Variants in LRP1B observed in about 807,000 individuals in gnomAD.
LRP1B encodes the protein LDL receptor related protein 1B.
A neutral mutation model predicts 556.6 loss-of-function variants in LRP1B; 217 were observed. The ratio of observed to expected loss-of-function variants is 0.39; its 90% CI spans 0.35 to 0.44. LRP1B has a LOEUF of 0.44. Among genes scored for constraint, LRP1B ranks in the 20% least tolerant of loss-of-function variants. The pLI is 1.00. For synonymous variants in LRP1B, 2,047 were observed against 1,865.8 expected, an observed-to-expected ratio of 1.10 and a Z score of -2.50; for missense variants, 5,053 against 5,620.8, an observed-to-expected ratio of 0.90 and a Z score of 3.23.
chr2:141,366,736 A>G (rs1488212095), intron 3 of LRP1B, among the ~76,000 whole-genome samples: 2 of 152,152 alleles, frequency 1.3e-5, no homozygotes, highest in African/African-American at 4.8e-5. Flanking sequence ...TTTTTTCTCA[A>G]ATGTCTTATT....
At chr2:141,489,954 T>C (rs1683268669) in intron 2 of LRP1B, among the ~76,000 whole-genome samples, 1 of 152,108 alleles carries the variant, frequency 6.6e-6, no homozygotes, top group African/African-American at 2.4e-5. Flanking sequence ...GTTCCAGTAA[T>C]GGTTTTTGTG....
chr2:141,763,091 T>C (rs1354644170), intron 2 of LRP1B, among the ~76,000 whole-genome samples: 2 of 152,176 alleles, frequency 1.3e-5, no homozygotes, highest in Non-Finnish European at 2.9e-5. Flanking sequence ...TTGTTGTGTA[T>C]AAGAGAAGAA....
chr2:140,782,505 C>T (rs1390687747), intron 32 of LRP1B, among the ~76,000 whole-genome samples: 1 of 152,082 alleles, frequency 6.6e-6, no homozygotes, highest in Non-Finnish European at 1.5e-5. Flanking sequence ...CCTGCCCTGC[C>T]AACACCTTGA....
chr2:140,870,746 A>T (rs1693103508), intron 25 of LRP1B, among the ~76,000 whole-genome samples: 3 of 152,236 alleles, frequency 2.0e-5, no homozygotes, highest in South Asian at 4.1e-4. Context: ...TTTGACTTCT[A>T]TTATTCTGTA....
chr2:141,074,674 T>C (rs1344530048), intron 7 of LRP1B, among the ~76,000 whole-genome samples: 11 of 149,598 alleles, frequency 7.4e-5, no homozygotes, highest in Non-Finnish European at 3.0e-5. Context: ...TTTGACAGGC[T>C]CTTTATAAAT....
At chr2:140,829,799 A>AT (rs1342242828) in intron 31 of LRP1B, among the ~76,000 whole-genome samples, 1 of 152,032 alleles carries the variant, frequency 6.6e-6, no homozygotes, top group Non-Finnish European at 1.5e-5. Flanking sequence ...ACAATTGAGA[A>AT]TAAAAAATAA....
At chr2:141,995,889 G>A (rs1047857103) in intron 1 of LRP1B, among the ~76,000 whole-genome samples, 1 of 152,152 alleles carries the variant, frequency 6.6e-6, no homozygotes, top group Admixed American at 6.5e-5. Flanking sequence ...TACAATGTGG[G>A]TTTTAAAAAA....
rs1043322713 is a variant in LRP1B, at chr2:140,669,017, G to T, written c.6799+31233C>A. ...GAATGACAGATGAAGAGATTTCTTTGGTTGAAGGTTTTAGGCACAGGGTTT... is the reference window on the plus strand; with the variant it reads ...GAATGACAGATGAAGAGATTTCTTTTGTTGAAGGTTTTAGGCACAGGGTTT... On this transcript the variant is annotated intron_variant, in intron 41 of 90. Coordinates refer to ENST00000389484, the MANE Select transcript of LRP1B (RefSeq NM_018557.3). Among the ~76,000 whole-genome samples the T allele has an allele frequency of 7.2e-5, 11 of 152,152 alleles. No individual in the cohort carries two copies. The South Asian group carries it at 1.0e-3, about 14-fold the overall frequency.
rs540380089 is a variant in LRP1B, at chr2:141,562,733, G to A, written c.206-82200C>T. On this transcript the variant is annotated intron_variant, in intron 2 of 90. Transcript: ENST00000389484. Reference sequence around the variant, plus strand: ...TGGCTAGATGTATGAGCGTGCTTAAGAACCTAGGTCATAAGGAAAATGAAT... The same window carrying A: ...TGGCTAGATGTATGAGCGTGCTTAAAAACCTAGGTCATAAGGAAAATGAAT... Among the ~76,000 whole-genome samples, 3 of 152,078 alleles carry A rather than the reference G, an allele frequency of 2.0e-5. No homozygotes were observed. In the South Asian group the frequency reaches 6.2e-4, roughly 32 times the overall value.
At chr2:141,041,543 T>C (rs7599024) in intron 11 of LRP1B, among the ~76,000 whole-genome samples, 74,441 of 151,844 alleles carry the variant, frequency 0.49, 20,297 homozygotes, top group Non-Finnish European at 0.61. Flanking sequence ...CTCCCCCTTA[T>C]AAATTTCCTT....
intron 41 of LRP1B, among the ~76,000 whole-genome samples, chr2:140,652,672 G>A (rs569398182): frequency 1.3e-5 from 2 of 152,062 alleles, no homozygotes; most frequent in African/African-American, 2.4e-5. Flanking sequence ...AATCATGAAA[G>A]TTTCCTTTCA....
intron 1 of LRP1B, among the ~76,000 whole-genome samples, chr2:142,016,579 C>T (rs1703137756): frequency 6.6e-6 from 1 of 151,558 alleles, no homozygotes; most frequent in African/African-American, 2.4e-5. Context: ...AACACAGGAA[C>T]AGAAAACCAA....
intron 77 of LRP1B, among the ~76,000 whole-genome samples, chr2:140,343,941 G>A (rs1047194927): frequency 4.0e-5 from 6 of 151,618 alleles, no homozygotes; most frequent in Non-Finnish European, 8.9e-5. Flanking sequence ...GGGTCTGGGG[G>A]AATAGATTAC....
intron 41 of LRP1B, among the ~76,000 whole-genome samples, chr2:140,674,793 A>G (rs1365417686): frequency 6.6e-6 from 1 of 152,230 alleles, no homozygotes; most frequent in Non-Finnish European, 1.5e-5. Flanking sequence ...TATTTTGAAT[A>G]GTTTGACTCT....
chr2:140,598,404 T>G (rs1682524925), intron 43 of LRP1B, among the ~76,000 whole-genome samples: 1 of 152,172 alleles, frequency 6.6e-6, no homozygotes, highest in Non-Finnish European at 1.5e-5. Context: ...CAGAAAAAGT[T>G]TATGTGTTGA....
intron 2 of LRP1B, among the ~76,000 whole-genome samples, chr2:141,575,688 T>C (rs1368300282): frequency 6.6e-6 from 1 of 152,024 alleles, no homozygotes; most frequent in African/African-American, 2.4e-5. Context: ...GAGAAAACTT[T>C]TGCAATCTAC....
At chr2:141,340,593 T>C (rs1402473) in intron 3 of LRP1B, among the ~76,000 whole-genome samples, 91,615 of 151,988 alleles carry the variant, frequency 0.6, 28,497 homozygotes, top group African/African-American at 0.68. Flanking sequence ...AGGTTTCATG[T>C]AGTACTTCAC....
At chr2:140,962,153 T>C (rs1245807020) in intron 18 of LRP1B, among the ~76,000 whole-genome samples, 9 of 152,202 alleles carry the variant, frequency 5.9e-5, no homozygotes, top group Non-Finnish European at 1.3e-4. Flanking sequence ...AGTGCTACTG[T>C]ATAAGAATTT....
At chr2:141,026,528 G>A (rs1698222486) in intron 11 of LRP1B, among the ~76,000 whole-genome samples, 1 of 152,008 alleles carries the variant, frequency 6.6e-6, no homozygotes, top group Non-Finnish European at 1.5e-5. Context: ...TAGAACAAAT[G>A]TGTTATCTCA....
Sources: allele counts gnomAD v4.1 joint callset (sites outside exome capture counted in the v4.1 genomes callset), GRCh38; gene constraint gnomAD v4.1.1; transcripts MANE v1.5; gene names NCBI Gene and HGNC (gene_info 2026-07-23, HGNC 2026-07-21).